The following SEC24A variants were observed in gnomAD, a reference collection of about 807,000 sequenced individuals.
The protein encoded by SEC24A is SEC24 homolog A, COPII component.
A neutral mutation model predicts 129.4 loss-of-function variants in SEC24A; 93 were observed. The observed-to-expected ratio is 0.72, with a 90% confidence interval of 0.61 to 0.85. The LOEUF (loss-of-function observed/expected upper bound fraction) is 0.85. Among genes scored for constraint, SEC24A ranks in the 40% least tolerant of loss-of-function variants. SEC24A has a pLI of 0.00. For synonymous variants in SEC24A, 460 were observed against 467.3 expected, an observed-to-expected ratio of 0.98 and a Z score of 0.20; for missense variants, 1,264 against 1,307.4, an observed-to-expected ratio of 0.97 and a Z score of 0.51.
In SEC24A at chr5:134,682,300, G is replaced by T. The variant is rs1751302176; in HGVS notation, c.1382-73G>T. On this transcript the variant is annotated intron_variant, in intron 8 of 22. Transcript: ENST00000398844. Reference sequence around the variant, plus strand: ...GAATGTTTGTCATCTTTTCAAGGAAGAAAGTGGCCAAATGCAAAATACATT... The same window carrying T: ...GAATGTTTGTCATCTTTTCAAGGAATAAAGTGGCCAAATGCAAAATACATT... 9.6e-6 allele frequency: 7 copies of T among 727,346 alleles called. No homozygotes were observed. The South Asian group carries it at 1.1e-4, about 11-fold the overall frequency. The allele number at this position is 727,346 out of a possible 1,614,324, so 45.1% of individuals were successfully genotyped here.
chr5:134,721,396 C>G (rs1011212305), intron 21 of SEC24A, among the ~76,000 whole-genome samples: 1 of 151,710 alleles, frequency 6.6e-6, no homozygotes, highest in African/African-American at 2.4e-5. Flanking sequence ...ACCCCCTTCT[C>G]TACTAAAAAT....
rs544239272 is a variant in SEC24A at position 134,658,140 on chromosome 5, A to G, written c.98-2979A>G. ...AAAATTAGCCAGCGTGGTGGTGCACACCTGTAATCCTAGCTACTCGAGAGG... is the reference window on the plus strand; with the variant it reads ...AAAATTAGCCAGCGTGGTGGTGCACGCCTGTAATCCTAGCTACTCGAGAGG... On this transcript the variant is annotated intron_variant, in intron 1 of 22. Coordinates refer to ENST00000398844, the MANE Select transcript of SEC24A (RefSeq NM_021982.3). Among the ~76,000 whole-genome samples the G allele has an allele frequency of 2.4e-4, 36 of 152,138 alleles. 2 individuals are homozygous for G. In the South Asian group the frequency reaches 7.2e-3, roughly 31 times the overall value.
chr5:134,691,610 C>G (rs1269355845), intron 11 of SEC24A, among the ~76,000 whole-genome samples: 2 of 150,146 alleles, frequency 1.3e-5, no homozygotes, highest in Admixed American at 1.3e-4. Flanking sequence ...TCAAGTGATT[C>G]TCCTGCCTCA....
At chr5:134,679,820 C>T in intron 8 of SEC24A, 92 bp downstream of exon 8, 1 of 1,052,648 alleles carries the variant, frequency 9.5e-7, no homozygotes, top group Non-Finnish European at 1.3e-6. Context: ...AAAAAAAACC[C>T]TTTTATTTAC....
chr5:134,697,121 A>C lies in SEC24A; in HGVS notation c.1987-5A>C. ...AAATGTCTCTTTATAATTTATTATA[A>C]ATAGGATATACACATGACACCATCC... On this transcript the variant is annotated splice_region_variant and splice_polypyrimidine_tract_variant and intron_variant, in intron 13 of 22. Transcript: ENST00000398844. 7.0e-7 allele frequency: 1 copy of C among 1,435,800 alleles called. No homozygotes were observed. Among genetic ancestry groups the C allele is most frequent in the Non-Finnish European group, 9.6e-7 (1 of 1,045,156 alleles). The allele number at this position is 1,435,800 out of a possible 1,614,324, so 88.9% of individuals were successfully genotyped here. A position where few individuals can be genotyped will look rare whatever the true frequency, so the allele number is the denominator to read the frequency against.
chr5:134,664,982 T>C (rs1750607739), intron 2 of SEC24A, among the ~76,000 whole-genome samples: 2 of 151,280 alleles, frequency 1.3e-5, no homozygotes, highest in South Asian at 4.2e-4. Flanking sequence ...GTATTTTTAG[T>C]AGAAACGGGG....
chr5:134,705,463 A>G (rs1312384263), intron 17 of SEC24A, 26 bp downstream of exon 17: 1 of 1,405,232 alleles, frequency 7.1e-7, no homozygotes, highest in African/African-American at 1.4e-5. Context: ...TGTTATAAAT[A>G]TCTTACAAGT....
chr5:134,654,483 G>A (rs1750173157), intron 1 of SEC24A, among the ~76,000 whole-genome samples: 1 of 152,118 alleles, frequency 6.6e-6, no homozygotes, highest in South Asian at 2.1e-4. Context: ...GCCTCCCAAA[G>A]TGCTGGGATT....
chr5:134,648,480 C>T (rs1194114858), upstream of SEC24A: 1 of 152,528 alleles, frequency 6.6e-6, no homozygotes, highest in Non-Finnish European at 1.5e-5. Flanking sequence ...AGTCCCACCC[C>T]ACGAAAGCGG....
chr5:134,678,574 A>G (rs1751150201), intron 7 of SEC24A, among the ~76,000 whole-genome samples: 1 of 150,040 alleles, frequency 6.7e-6, no homozygotes, highest in Admixed American at 6.6e-5. Context: ...GGATATATAT[A>G]TATATATTTT....
chr5:134,705,090 A>ATATATTTTT (rs1180461537), intron 16 of SEC24A, among the ~76,000 whole-genome samples: 3 of 123,298 alleles, frequency 2.4e-5, no homozygotes, highest in African/African-American at 9.0e-5. Context: ...ATATATATAT[A>ATATATTTTT]TTTTTTTTTT....
At position 134,677,004 on chromosome 5, in the gene SEC24A, G is replaced by A. The variant is rs183005330; in HGVS notation, c.1254+879G>A. 1.4e-3 allele frequency among the ~76,000 whole-genome samples: 211 copies of A among 152,220 alleles called. 2 individuals carry two copies. Among genetic ancestry groups the A allele is most frequent in the Admixed American group, 2.2e-3 (34 of 15,274 alleles). On this transcript the variant is annotated intron_variant, in intron 7 of 22. Coordinates refer to ENST00000398844, the MANE Select transcript of SEC24A (RefSeq NM_021982.3). Reference sequence around the variant, plus strand: ...TAAATGAATCATACTATTTTAATAGGTTGTGAATTATTTACCCATTAAAGT... The same window carrying A: ...TAAATGAATCATACTATTTTAATAGATTGTGAATTATTTACCCATTAAAGT...
At chr5:134,671,196 T>C (rs902413182) in intron 3 of SEC24A, among the ~76,000 whole-genome samples, 3 of 151,914 alleles carry the variant, frequency 2.0e-5, no homozygotes, top group African/African-American at 7.2e-5. Context: ...CATGTGCTGA[T>C]TACAGGCACG....
intron 2 of SEC24A, among the ~76,000 whole-genome samples, chr5:134,662,255 C>A (rs185794198): frequency 6.6e-6 from 1 of 151,698 alleles, no homozygotes; most frequent in African/African-American, 2.4e-5. Flanking sequence ...CCCGGGTTCA[C>A]GCCATTCTCC....
intron 7 of SEC24A, among the ~76,000 whole-genome samples, chr5:134,677,468 A>ATT (rs370010622): frequency 4.5e-4 from 60 of 132,104 alleles, no homozygotes; most frequent in East Asian, 1.5e-3. Flanking sequence ...GCCTGTATTG[A>ATT]TTTTTTTTTT....
intron 16 of SEC24A, 36 bp from the exon 17 acceptor site, chr5:134,705,291 T>C (rs1192771017): frequency 2.1e-6 from 3 of 1,462,516 alleles, no homozygotes; most frequent in East Asian, 4.5e-5. Flanking sequence ...TTTTATATAG[T>C]TGCCCCTCAC....
chr5:134,701,550 G>A (rs1041593274), intron 15 of SEC24A, among the ~76,000 whole-genome samples: 11 of 148,344 alleles, frequency 7.4e-5, no homozygotes, highest in Non-Finnish European at 1.0e-4. Flanking sequence ...TCGGTCTGTC[G>A]TCCAGGCTGG....
chr5:134,683,308 C>T (rs990516239), intron 9 of SEC24A, among the ~76,000 whole-genome samples: 13 of 152,038 alleles, frequency 8.6e-5, no homozygotes, highest in Non-Finnish European at 1.6e-4. Context: ...CATGAGCCAC[C>T]GTGCCCGGCC....
At chr5:134,678,905 G>C (rs1013895373) in intron 7 of SEC24A, among the ~76,000 whole-genome samples, 1 of 151,784 alleles carries the variant, frequency 6.6e-6, no homozygotes, top group Non-Finnish European at 1.5e-5. Context: ...AATAGAGACA[G>C]GGTCTTACTT....
Sources: gnomAD v4.1 joint callset for allele counts (sites outside exome capture counted in the v4.1 genomes callset) on GRCh38, gnomAD v4.1.1 for gene constraint, MANE v1.5 for transcripts, NCBI Gene and HGNC (gene_info 2026-07-23, HGNC 2026-07-21) for gene names.